Variants in FAAH2 observed in about 807,000 individuals in gnomAD.
FAAH2 encodes the protein fatty acid amide hydrolase 2.
In FAAH2, 60 loss-of-function variants were observed where a neutral mutation model predicts 36.9. That is an observed-to-expected ratio of 1.63 (90% CI 1.32 to 2.02). The LOEUF (loss-of-function observed/expected upper bound fraction) is 2.02, where lower values mean the gene tolerates loss of function less well. FAAH2 is among the 30% of genes most tolerant of loss of function. The probability of loss-of-function intolerance (pLI) is 0.00; values close to 1 mark genes in which losing one functional copy is unlikely to be tolerated. For missense variants in FAAH2, 689 were observed against 397.5 expected (o/e 1.73, Z -6.23); for synonymous variants, 214 against 143.8 (o/e 1.49, Z -3.49).
At chrX:57,195,859 T>C in the FAAH2 span, among the ~76,000 whole-genome samples, 5 of 112,292 alleles carry the variant, frequency 4.5e-5, no homozygotes, top group Admixed American at 3.8e-4. Context: ...TGAAAGCATG[T>C]CCTTTCCTTA....
rs895160462 is a variant in FAAH2, at chrX:57,431,948, G to A, written c.1027G>A (p.Ala343Thr). Residue 343 changes from alanine (A) to threonine (T), a missense_variant, in exon 8 of 11, where the codon GCC becomes ACC. Physicochemically the swap from Ala to Thr is moderately conservative, Grantham distance 58. Transcript: ENST00000374900. Reference protein sequence around the residue: ...VVVHLETILGASVQHVKLKKM... With the variant: ...VVVHLETILGTSVQHVKLKKM... ...GGTTCACCTTGAAACTATTCTAGGAGCCTCAGTTCAACATGTTAAACTGAA... is the reference window on the plus strand; with the variant it reads ...GGTTCACCTTGAAACTATTCTAGGAACCTCAGTTCAACATGTTAAACTGAA... The A allele has an allele frequency of 5.0e-6, 6 of 1,201,981 alleles. No homozygotes were observed. The Admixed American group carries it at 1.1e-4, about 22-fold the overall frequency.
At chrX:57,390,264 C>G (rs1360510628) in intron 7 of FAAH2, among the ~76,000 whole-genome samples, 1 of 111,684 alleles carries the variant, frequency 9.0e-6, no homozygotes, top group African/African-American at 3.2e-5. Context: ...ATTGCCAAGA[C>G]CAATGTCACG....
chrX:57,352,798 T>A (rs1232118627), intron 5 of FAAH2, among the ~76,000 whole-genome samples: 1 of 111,266 alleles, frequency 9.0e-6, no homozygotes, highest in East Asian at 2.8e-4. Context: ...AAAATCAGTA[T>A]AATTTATATG....
the FAAH2 span, among the ~76,000 whole-genome samples, chrX:57,195,219 T>A: frequency 8.9e-6 from 1 of 112,121 alleles, no homozygotes; most frequent in South Asian, 3.7e-4. Context: ...CTAGTTTACA[T>A]TCCCACCAGC....
intron 5 of FAAH2, among the ~76,000 whole-genome samples, chrX:57,350,138 G>A (rs1471960156): frequency 1.8e-5 from 2 of 111,053 alleles, no homozygotes; most frequent in Non-Finnish European, 3.8e-5. Flanking sequence ...CCTGCTGACG[G>A]TGAATACTAT....
rs939913358 is a variant in FAAH2 at position 57,405,788 on chromosome X, T to C, written c.996+24759T>C. ...GTTTTCAACTGTATTTTGTAATTCA[T>C]TTAGTGACTTTTTAATATTCAGAAG... On this transcript the variant is annotated intron_variant, in intron 7 of 10. Transcript: ENST00000374900. 4.9e-5 allele frequency among the ~76,000 whole-genome samples: 5 copies of C among 101,820 alleles called. No homozygotes were observed. The Admixed American group carries it at 5.5e-4, about 11-fold the overall frequency. The allele number at this position is 101,820 out of a possible 115,157, so 88.4% of individuals were successfully genotyped here. A position where few individuals can be genotyped will look rare whatever the true frequency, so the allele number is the denominator to read the frequency against.
the FAAH2 span, among the ~76,000 whole-genome samples, chrX:57,200,315 C>T: frequency 9.2e-6 from 1 of 108,291 alleles, no homozygotes; most frequent in African/African-American, 3.4e-5. Flanking sequence ...AACTTTAACA[C>T]TGTTTGCATC....
At chrX:57,255,401 G>A in the FAAH2 span, among the ~76,000 whole-genome samples, 3 of 111,987 alleles carry the variant, frequency 2.7e-5, no homozygotes, top group African/African-American at 6.5e-5. Context: ...TAGAAAAAGA[G>A]GGAATCCTCC....
chrX:57,202,702 G>A, the FAAH2 span, among the ~76,000 whole-genome samples: 1 of 111,822 alleles, frequency 8.9e-6, no homozygotes, highest in Non-Finnish European at 1.9e-5. Flanking sequence ...ATCCAGCCAG[G>A]CCTATGTCTT....
intron 3 of FAAH2, among the ~76,000 whole-genome samples, chrX:57,317,534 CAA>C (rs1301904545): frequency 9.0e-6 from 1 of 111,551 alleles, no homozygotes; most frequent in African/African-American, 3.3e-5. Context: ...TAGAGACAAA[CAA>C]AGAGACTTAG....
chrX:57,142,149 G>T, the FAAH2 span, among the ~76,000 whole-genome samples: 100 of 111,436 alleles, frequency 9.0e-4, no homozygotes, highest in Non-Finnish European at 1.7e-3. Flanking sequence ...ACTAACTCAA[G>T]GTTTGATTTG....
intron 10 of FAAH2, among the ~76,000 whole-genome samples, chrX:57,470,470 CT>C (rs1371047813): frequency 9.0e-6 from 1 of 111,613 alleles, no homozygotes; most frequent in Non-Finnish European, 1.9e-5. Context: ...CTATAAGCAC[CT>C]CTATGCAAAT....
intron 7 of FAAH2, among the ~76,000 whole-genome samples, chrX:57,425,441 G>A (rs759795947): frequency 1.8e-5 from 2 of 111,242 alleles, no homozygotes; most frequent in African/African-American, 3.3e-5. Flanking sequence ...TGAAGTGAAG[G>A]AAAAAATCCT....
chrX:57,235,308 T>A, the FAAH2 span, among the ~76,000 whole-genome samples: 4 of 111,688 alleles, frequency 3.6e-5, no homozygotes, highest in Non-Finnish European at 5.6e-5. Context: ...CTTGTTGCAG[T>A]TAGAATATAG....
chrX:57,431,905 T>C lies in FAAH2; in HGVS notation c.997-13T>C. 3 of 1,186,380 alleles carry C rather than the reference T, an allele frequency of 2.5e-6. No individual in the cohort carries two copies. Among genetic ancestry groups the C allele is most frequent in the Non-Finnish European group, 3.4e-6 (3 of 881,233 alleles). ...CATCATGTTTGTCTGTTTTTATATC[T>C]TTCTTTTATAAGGTTGTGGTTCACC... On this transcript the variant is annotated splice_polypyrimidine_tract_variant and intron_variant, in intron 7 of 10. Coordinates refer to ENST00000374900, the MANE Select transcript of FAAH2 (RefSeq NM_174912.4).
At chrX:57,416,404 G>A (rs751985428) in intron 7 of FAAH2, among the ~76,000 whole-genome samples, 3 of 111,069 alleles carry the variant, frequency 2.7e-5, no homozygotes, top group Non-Finnish European at 5.7e-5. Context: ...TTCTTCAGGA[G>A]CTTTTGTAAG....
chrX:57,294,439 G>A (rs997332630), intron 2 of FAAH2, among the ~76,000 whole-genome samples: 6 of 111,889 alleles, frequency 5.4e-5, no homozygotes, highest in East Asian at 2.8e-4. Flanking sequence ...TCCCAAACCT[G>A]TTCTTCCATC....
At chrX:57,270,632 C>T in the FAAH2 span, among the ~76,000 whole-genome samples, 3 of 111,630 alleles carry the variant, frequency 2.7e-5, no homozygotes, top group African/African-American at 9.8e-5. Flanking sequence ...ACTGACGTAC[C>T]CGGTTCATCT....
chrX:57,223,008 T>A, the FAAH2 span, among the ~76,000 whole-genome samples: 1 of 112,005 alleles, frequency 8.9e-6, no homozygotes, highest in Non-Finnish European at 1.9e-5. Flanking sequence ...AAGCTCTCAC[T>A]CTAGCAGCCA....
Sources: allele counts gnomAD v4.1 joint callset (sites outside exome capture counted in the v4.1 genomes callset), GRCh38; gene constraint gnomAD v4.1.1; transcripts MANE v1.5; gene names NCBI Gene and HGNC (gene_info 2026-07-23, HGNC 2026-07-21).